SYNCRIP: variants seen among roughly 807,000 people sequenced by gnomAD.
SYNCRIP encodes the protein heterogeneous nuclear ribonucleoprotein Q.
A neutral mutation model predicts 68.9 loss-of-function variants in SYNCRIP; 9 were observed. That is an observed-to-expected ratio of 0.13 (90% CI 0.08 to 0.23). The LOEUF is 0.23. SYNCRIP is among the 10% of genes least tolerant of loss of function. The pLI, the probability that SYNCRIP is intolerant of heterozygous loss-of-function variation, is 1.00. For synonymous variants in SYNCRIP, 258 were observed against 254.0 expected, an observed-to-expected ratio of 1.02 and a Z score of -0.15; for missense variants, 414 against 770.6, an observed-to-expected ratio of 0.54 and a Z score of 5.48.
At chr6:85,619,933 A>T (rs1806199664) in intron 8 of SYNCRIP, among the ~76,000 whole-genome samples, 1 of 152,202 alleles carries the variant, frequency 6.6e-6, no homozygotes, top group Non-Finnish European at 1.5e-5. Context: ...GAGAGATGTT[A>T]ATAGCAGCTT....
downstream of SYNCRIP, chr6:85,611,228 CAGA>C (rs1344868657): frequency 1.8e-4 from 28 of 151,886 alleles, no homozygotes; most frequent in Admixed American, 2.6e-4. Context: ...GTTTTTAAAC[CAGA>C]AGATTTCTAC....
chr6:85,636,287 A>C (rs546098485), intron 6 of SYNCRIP, among the ~76,000 whole-genome samples: 36 of 152,234 alleles, frequency 2.4e-4, no homozygotes, highest in African/African-American at 5.1e-4. Context: ...TCTACTAAAA[A>C]TATAAAAATT....
chr6:85,613,893 A>G (rs1805479709), downstream of SYNCRIP: 1 of 872,352 alleles, frequency 1.1e-6, no homozygotes, highest in African/African-American at 1.8e-5. Flanking sequence ...TGACCTGCAA[A>G]CCCTTTGAGA....
At chr6:85,619,500 C>A in intron 8 of SYNCRIP, 83 bp from the exon 9 acceptor site, 1 of 1,257,478 alleles carries the variant, frequency 8.0e-7, no homozygotes, top group South Asian at 1.5e-5. Context: ...ACAAAGTTAA[C>A]TCAAATCACA....
chr6:85,615,821 T>C (rs535040969), intron 10 of SYNCRIP, among the ~76,000 whole-genome samples: 4 of 152,314 alleles, frequency 2.6e-5, no homozygotes, highest in Non-Finnish European at 5.9e-5. Context: ...AAAAAAAATT[T>C]GTCACTTTGA....
chr6:85,608,895 C>A (rs1805026499), exon 12 of SYNCRIP: 1 of 151,912 alleles, frequency 6.6e-6, no homozygotes, highest in Non-Finnish European at 1.5e-5. Flanking sequence ...AAGTGACAGA[C>A]CCCAAAAGTC....
rs1224227453 is a variant in SYNCRIP, at chr6:85,642,007, GCCCATT to G, written c.-12-562_-12-557del. Among the ~76,000 whole-genome samples the G allele has an allele frequency of 4.8e-4, 73 of 152,102 alleles. 1 individual carries two copies. The highest frequency in any genetic ancestry group is 1.2e-4 in the Non-Finnish European group (8 of 68,022). ...AGTCTCACCACTGCGGCCGCCAGGA[GCCCATT>G]AGAAACACGTGCTCTGCGCCTTCCA... On this transcript the variant is annotated intron_variant, in intron 1 of 10. Coordinates refer to ENST00000369622, the MANE Select transcript of SYNCRIP (RefSeq NM_006372.5).
At chr6:85,640,686 TG>T in intron 2 of SYNCRIP, 122 bp from the exon 3 acceptor site, 1 of 518,408 alleles carries the variant, frequency 1.9e-6, no homozygotes, top group East Asian at 3.1e-5. Context: ...CATCTATACC[TG>T]AAAAAAAAAA....
At chr6:85,621,711 C>G (rs762763200) in intron 8 of SYNCRIP, among the ~76,000 whole-genome samples, 15 of 151,692 alleles carry the variant, frequency 9.9e-5, no homozygotes, top group Non-Finnish European at 1.8e-4. Flanking sequence ...TATTCTTATA[C>G]AATGTCTCCA....
chr6:85,611,379 T>C (rs540557085), downstream of SYNCRIP: 3 of 152,718 alleles, frequency 2.0e-5, no homozygotes, highest in East Asian at 1.9e-4. Flanking sequence ...CATGAGCATT[T>C]TGAACATATG....
chr6:85,628,974 T>C (rs1807389763), intron 6 of SYNCRIP, among the ~76,000 whole-genome samples: 1 of 151,948 alleles, frequency 6.6e-6, no homozygotes, highest in South Asian at 2.1e-4. Context: ...ATCTCCGATC[T>C]TTCTCCTTTC....
chr6:85,623,923 C>G lies in SYNCRIP; in HGVS notation c.802+54G>C, dbSNP rs1009332992. The G allele has an allele frequency of 5.7e-6, 9 of 1,590,982 alleles. No homozygotes were observed. In the African/African-American group the frequency reaches 1.2e-4, roughly 21 times the overall value. On this transcript the variant is annotated intron_variant, in intron 7 of 10. Coordinates refer to ENST00000369622, the MANE Select transcript of SYNCRIP (RefSeq NM_006372.5). ...ACAATGCATGACGCACAGAAATATG[C>G]TATTAATCTTCATTATTAAAAGCTG...
intron 6 of SYNCRIP, among the ~76,000 whole-genome samples, chr6:85,634,704 T>C (rs1808248865): frequency 6.6e-6 from 1 of 152,224 alleles, no homozygotes; most frequent in Non-Finnish European, 1.5e-5. Context: ...GATACCTCAT[T>C]GCTTACTGGA....
chr6:85,614,691 T>A lies in SYNCRIP; in HGVS notation c.*65A>T. The A allele has an allele frequency of 6.7e-7, 1 of 1,482,818 alleles. No homozygotes were observed. Among genetic ancestry groups the A allele is most frequent in the Non-Finnish European group, 9.0e-7 (1 of 1,117,000 alleles). 91.9% of individuals were successfully genotyped at this position (1,482,818 alleles called of 1,614,324 possible). A position where few individuals can be genotyped will look rare whatever the true frequency, so the allele number is the denominator to read the frequency against. On this transcript the variant is annotated 3_prime_UTR_variant, in exon 11 of 11. Coordinates refer to ENST00000369622, the MANE Select transcript of SYNCRIP (RefSeq NM_006372.5). ...ATGTCACAAATTATAGCGGCACCCG[T>A]TCAGATTTAGGGTGAGTTTCTGATC... is the stretch of plus-strand genomic sequence containing the variant.
At chr6:85,633,585 C>T (rs746523935) in intron 6 of SYNCRIP, among the ~76,000 whole-genome samples, 9 of 152,178 alleles carry the variant, frequency 5.9e-5, no homozygotes, top group Middle Eastern at 3.4e-3. Context: ...AGGGAGACTC[C>T]GTTTCAAAAA....
intron 9 of SYNCRIP, 32 bp downstream of exon 9, chr6:85,619,236 G>A (rs374446277): frequency 6.2e-7 from 1 of 1,609,458 alleles, no homozygotes; most frequent in African/African-American, 1.3e-5. Context: ...TTGTTAGTCT[G>A]ATTTAGATGC....
At chr6:85,616,746 T>C (rs1439083473) in intron 10 of SYNCRIP, among the ~76,000 whole-genome samples, 3 of 152,222 alleles carry the variant, frequency 2.0e-5, no homozygotes, top group Admixed American at 2.0e-4. Flanking sequence ...TGTGCTCTGC[T>C]GGTTTATTGT....
chr6:85,624,557 T>C (rs1806819417), intron 6 of SYNCRIP, among the ~76,000 whole-genome samples: 1 of 152,230 alleles, frequency 6.6e-6, no homozygotes, highest in African/African-American at 2.4e-5. Context: ...GCTTCAAATA[T>C]TTAAGCCTAA....
downstream of SYNCRIP, chr6:85,609,765 TAA>T (rs1015235561): frequency 2.0e-5 from 3 of 151,844 alleles, no homozygotes; most frequent in African/African-American, 7.3e-5. Context: ...TTAGATAACT[TAA>T]GTTTTCTTTT....
Sources: gnomAD v4.1 joint callset for allele counts (sites outside exome capture counted in the v4.1 genomes callset) on GRCh38, gnomAD v4.1.1 for gene constraint, MANE v1.5 for transcripts, NCBI Gene and HGNC (gene_info 2026-07-23, HGNC 2026-07-21) for gene names.